The following MCF2L variants were observed in gnomAD, a reference collection of about 807,000 sequenced individuals.
MCF2L encodes MCF.2 cell line derived transforming sequence like, also known as guanine nucleotide exchange factor DBS.
Under a neutral mutation model 153.4 loss-of-function variants are expected in MCF2L, and 97 were observed. The ratio of observed to expected loss-of-function variants is 0.63; its 90% CI spans 0.54 to 0.75. The LOEUF is 0.75. Among genes scored for constraint, MCF2L ranks in the 30% least tolerant of loss-of-function variants. The probability of loss-of-function intolerance (pLI) is 0.00; values close to 1 mark genes in which losing one functional copy is unlikely to be tolerated. For missense variants in MCF2L, 1,347 were observed against 1,495.2 expected, an observed-to-expected ratio of 0.90 and a Z score of 1.64; for synonymous variants, 659 against 632.2, an observed-to-expected ratio of 1.04 and a Z score of -0.64.
intron 2 of MCF2L, among the ~76,000 whole-genome samples, chr13:113,020,770 A>ATATGTGTAGCTGTGTG (rs1415219478): frequency 2.0e-5 from 3 of 151,978 alleles, no homozygotes; most frequent in Non-Finnish European, 1.5e-5. Flanking sequence ...ATAACAGTGT[A>ATATGTGTAGCTGTGTG]TATGTGTAGC....
intron 15 of MCF2L, among the ~76,000 whole-genome samples, chr13:113,079,482 G>A (rs1389788191): frequency 2.0e-5 from 3 of 152,122 alleles, no homozygotes; most frequent in South Asian, 2.1e-4. Context: ...TGCAAGAGAC[G>A]CTTGGAACCA....
At chr13:112,939,557 C>G (rs2081554692) in intron 2 of MCF2L, among the ~76,000 whole-genome samples, 1 of 152,230 alleles carries the variant, frequency 6.6e-6, no homozygotes. Flanking sequence ...GTGTGGACCC[C>G]ATGTCTGCCT....
chr13:113,095,873 C>T (rs2035603658), intron 27 of MCF2L: 1 of 884,204 alleles, frequency 1.1e-6, no homozygotes, highest in East Asian at 1.1e-4. Context: ...AGTTCTAGGC[C>T]CCGGAGACAA....
intron 2 of MCF2L, among the ~76,000 whole-genome samples, chr13:112,961,104 T>C (rs3011476): frequency 7.6e-4 from 57 of 75,106 alleles, no homozygotes; most frequent in South Asian, 1.0e-3. Flanking sequence ...CCACGTTGCA[T>C]CTGCTATGCC....
chr13:112,919,395 CG>C (rs1313006225), intron 2 of MCF2L, among the ~76,000 whole-genome samples: 1 of 151,486 alleles, frequency 6.6e-6, no homozygotes, highest in Non-Finnish European at 1.5e-5. Context: ...TTAGTAGAGA[CG>C]GGGTTTCACC....
chr13:113,074,901 C>A lies in MCF2L; in HGVS notation c.1117-97C>A. On this transcript the variant is annotated intron_variant, in intron 10 of 29. Transcript: ENST00000535094. The surrounding 1 kb of genome is among the most constrained non-coding windows in gnomAD (Gnocchi z 4.2). Reference sequence around the variant, plus strand: ...GCAGCAGTAAACAAAGAAATCAAGACACACGTGTGCCCCGGGACACACATC... The same window carrying A: ...GCAGCAGTAAACAAAGAAATCAAGAAACACGTGTGCCCCGGGACACACATC... 1 of 1,104,076 alleles carries A rather than the reference C, an allele frequency of 9.1e-7. No homozygotes were observed. 68.4% of individuals were successfully genotyped at this position (1,104,076 alleles called of 1,614,324 possible). A position where few individuals can be genotyped will look rare whatever the true frequency, so the allele number is the denominator to read the frequency against.
Position 113,074,519 on chromosome 13 carries a change from G to C in MCF2L, c.1072G>C (p.Glu358Gln). The change falls in exon 10 of 30, where the codon GAG becomes CAG. Residue 358 changes from glutamate to glutamine, a missense_variant. Around this residue, in one of 3 missense-constraint regions of MCF2L, gnomAD observed 820 missense variants for 921.2 expected, o/e 0.89. Transcript: ENST00000535094. The surrounding 1 kb of genome is among the most constrained non-coding windows in gnomAD (Gnocchi z 4.2). The stretch of plus-strand genomic sequence containing the variant: ...CATCGGCAACAGCCTGGCGCATGTG[G>C]AGCACCTGCTGAGGGACCTGGCCAG... ...TDIGNSLAHV[E>Q]HLLRDLASFE... is the part of the protein sequence containing the mutation. 1 of 1,614,084 alleles carries C rather than the reference G, an allele frequency of 6.2e-7. No homozygotes were observed. The highest frequency in any genetic ancestry group is 8.5e-7 in the Non-Finnish European group (1 of 1,180,020).
At chr13:112,946,928 A>G (rs761067244) in intron 2 of MCF2L, among the ~76,000 whole-genome samples, 12 of 152,224 alleles carry the variant, frequency 7.9e-5, no homozygotes, top group Non-Finnish European at 2.9e-5. Context: ...CACGGGCCTG[A>G]GGACCCAGGG....
intron 5 of MCF2L, among the ~76,000 whole-genome samples, chr13:113,062,309 G>A (rs2031638703): frequency 6.6e-6 from 1 of 152,148 alleles, no homozygotes; most frequent in Non-Finnish European, 1.5e-5. Flanking sequence ...GATGGCGTGT[G>A]CAGCTCAGCA....
chr13:112,906,228 G>T (rs1049133653), intron 2 of MCF2L, among the ~76,000 whole-genome samples: 1 of 152,232 alleles, frequency 6.6e-6, no homozygotes, highest in African/African-American at 2.4e-5. Context: ...CTGTTTCACA[G>T]TCAGCTATGG....
chr13:113,071,513 A>G (rs1180048514), intron 9 of MCF2L, among the ~76,000 whole-genome samples: 3 of 152,216 alleles, frequency 2.0e-5, no homozygotes, highest in Non-Finnish European at 4.4e-5. Flanking sequence ...TCATAGTTTT[A>G]CATTGAAGTC....
At chr13:113,012,910 A>C (rs1458392092) in intron 1 of MCF2L, among the ~76,000 whole-genome samples, 1 of 99,992 alleles carries the variant, frequency 1.0e-5, no homozygotes, top group African/African-American at 3.8e-5. Context: ...GACGGTGGAC[A>C]CTGTGATGCG....
At chr13:113,083,163 A>G (rs1454596536) in intron 17 of MCF2L, among the ~76,000 whole-genome samples, 3 of 152,160 alleles carry the variant, frequency 2.0e-5, no homozygotes, top group Non-Finnish European at 4.4e-5. Context: ...CACGCAGTGC[A>G]GAATGCCAGG....
chr13:113,014,812 G>C lies in MCF2L; in HGVS notation c.129G>C (p.Gln43His), dbSNP rs780975418. 1 of 1,614,094 alleles carries C rather than the reference G, an allele frequency of 6.2e-7. No individual in the cohort carries two copies. Among genetic ancestry groups the C allele is most frequent in the Non-Finnish European group, 8.5e-7 (1 of 1,180,022 alleles). Residue 43 changes from glutamine to histidine, a missense_variant, in exon 2 of 30, where the codon CAG (glutamine) becomes CAC (histidine). This residue lies in a region of MCF2L where 820 missense variants were observed against 921.2 expected (regional missense o/e 0.89). Coordinates refer to ENST00000535094, the MANE Select transcript of MCF2L (RefSeq NM_001112732.3). ...TCCCGCTCTGTGCTGCCGACATCCA[G>C]GACCAGCTAAAGAAGCGCTTTGCTT... ...DIVPLCAADI[Q>H]DQLKKRFAYL... is the part of the protein sequence containing the mutation.
chr13:112,904,489 G>C lies in MCF2L; in HGVS notation c.169+2118G>C, dbSNP rs1450504641. Among the ~76,000 whole-genome samples, 1 of 152,178 alleles carries C rather than the reference G, an allele frequency of 6.6e-6. No homozygotes were observed. Among genetic ancestry groups the C allele is most frequent in the Non-Finnish European group, 1.5e-5 (1 of 68,026 alleles). On this transcript the variant is annotated intron_variant, in intron 2 of 29. Transcript: ENST00000375608. This position sits in a 1 kb window ranked among gnomAD's most constrained non-coding sequence, Gnocchi z 4.2. ...GAGCCCAGACATGTGGCTGGTCAGA[G>C]CACCCACTTAGCAAGCCGTGGCTCT...
chr13:112,981,264 A>G (rs1353925534), intron 1 of MCF2L, among the ~76,000 whole-genome samples: 1 of 152,136 alleles, frequency 6.6e-6, no homozygotes, highest in Non-Finnish European at 1.5e-5. Flanking sequence ...TCTCCACACC[A>G]TGGGGTACCA....
intron 2 of MCF2L, chr13:112,909,603 A>G (rs971031732): frequency 2.8e-6 from 1 of 353,300 alleles, no homozygotes; most frequent in Non-Finnish European, 5.2e-6. Flanking sequence ...TCTTTGAAGG[A>G]TCTGATGGAA....
At chr13:112,930,643 A>G (rs1228861258) in intron 2 of MCF2L, among the ~76,000 whole-genome samples, 1 of 152,218 alleles carries the variant, frequency 6.6e-6, no homozygotes, top group East Asian at 1.9e-4. Flanking sequence ...GTAAATCTTA[A>G]TACCTGCAAA....
At chr13:112,919,834 G>T (rs2081335323) in intron 2 of MCF2L, among the ~76,000 whole-genome samples, 1 of 152,190 alleles carries the variant, frequency 6.6e-6, no homozygotes, top group South Asian at 2.1e-4. Context: ...AGTAGACCAT[G>T]AAATGTATTT....
Sources: gnomAD v4.1 joint callset for allele counts (sites outside exome capture counted in the v4.1 genomes callset) on GRCh38, gnomAD v4.1.1 for gene constraint, gnomAD v4.1.1 regional missense constraint, Gnocchi (gnomAD v3.1) non-coding constraint, MANE v1.5 for transcripts, NCBI Gene and HGNC (gene_info 2026-07-23, HGNC 2026-07-21) for gene names.